Variants in ORC1 observed in about 807,000 individuals in gnomAD.
ORC1 encodes origin recognition complex subunit 1, also known as origin recognition complex, subunit 1 homolog.
Under a neutral mutation model 98.9 loss-of-function variants are expected in ORC1, and 61 were observed. That is an observed-to-expected ratio of 0.62 (90% CI 0.50 to 0.76). The LOEUF is 0.76. Ranked by LOEUF, ORC1 falls within the 30% of genes least tolerant of loss-of-function variation. The pLI is 0.00. For synonymous variants in ORC1, 385 were observed against 406.9 expected (o/e 0.95, Z 0.65); for missense variants, 979 against 1,072.2 (o/e 0.91, Z 1.21).
chr1:52,384,674 ACAGTGG>A lies in ORC1; in HGVS notation c.1625_1630del (p.Ala542_Thr543del). On this transcript the variant is annotated inframe_deletion, in exon 11 of 17. Coordinates refer to ENST00000371568, the MANE Select transcript of ORC1 (RefSeq NM_004153.4). ...CTGCAGGCAGCGTATCACTTCATGA[ACAGTGG>A]CAGTCTTCCCTGTCCCAGGGACACC... 6.2e-7 allele frequency: 1 copy of A among 1,614,046 alleles called. No individual in the cohort carries two copies. The highest frequency in any genetic ancestry group is 8.5e-7 in the Non-Finnish European group (1 of 1,179,976).
intron 14 of ORC1, among the ~76,000 whole-genome samples, chr1:52,377,714 A>AC (rs1311556051): frequency 6.6e-6 from 1 of 151,664 alleles, no homozygotes; most frequent in African/African-American, 2.4e-5. Flanking sequence ...AAAAAAAAAA[A>AC]AAAAAAAAAA....
At chr1:52,380,150 C>A (rs1647042308) in intron 14 of ORC1, among the ~76,000 whole-genome samples, 1 of 152,122 alleles carries the variant, frequency 6.6e-6, no homozygotes, top group African/African-American at 2.4e-5. Context: ...GGGAAGCATA[C>A]TGAGAAATCT....
intron 8 of ORC1, among the ~76,000 whole-genome samples, chr1:52,386,610 G>A (rs1001501892): frequency 1.3e-5 from 2 of 152,162 alleles, no homozygotes; most frequent in Non-Finnish European, 2.9e-5. Flanking sequence ...TTTCAGCCTG[G>A]CTAGAGAGAG....
Position 52,388,532 on chromosome 1 carries a change from A to G in ORC1, c.1293T>C (p.Leu431=). The change falls in exon 8 of 17, where the codon CTT becomes CTC. Residue 431 remains leucine (L), a synonymous_variant. Coordinates refer to ENST00000371568, the MANE Select transcript of ORC1 (RefSeq NM_004153.4). ...ACACAGTTCTGGGTGCTCTCCTTGG[A>G]AGGGGCGGTGTGGAAGCCTCTTCTT... ...SDEEEASTPP[L]PRRAPRTVSR... is the part of the protein sequence containing the mutation. The G allele has an allele frequency of 6.2e-7, 1 of 1,614,122 alleles. No individual in the cohort carries two copies. Among genetic ancestry groups the G allele is most frequent in the Non-Finnish European group, 8.5e-7 (1 of 1,179,992 alleles).
chr1:52,399,046 G>A (rs1008350689), intron 3 of ORC1, among the ~76,000 whole-genome samples: 1 of 152,150 alleles, frequency 6.6e-6, no homozygotes, highest in Non-Finnish European at 1.5e-5. Flanking sequence ...TTCTGGGATT[G>A]CTCCATTTCC....
At chr1:52,396,412 A>C (rs1647400465) in intron 4 of ORC1, 48 bp from the exon 5 acceptor site, 1 of 1,612,008 alleles carries the variant, frequency 6.2e-7, no homozygotes, top group African/African-American at 1.3e-5. Context: ...GCCCCAAGAG[A>C]GCCAAGGAGT....
intron 1 of ORC1, among the ~76,000 whole-genome samples, chr1:52,402,658 G>A (rs1176763497): frequency 6.6e-6 from 1 of 152,224 alleles, no homozygotes; most frequent in African/African-American, 2.4e-5. Context: ...CAAAGGCTGG[G>A]CGCAGTGGCT....
At chr1:52,390,019 T>C (rs1569935653) in intron 6 of ORC1, among the ~76,000 whole-genome samples, 1 of 152,336 alleles carries the variant, frequency 6.6e-6, no homozygotes, top group East Asian at 1.9e-4. Context: ...ATCTGATACA[T>C]TGCTGATAGA....
intron 10 of ORC1, 123 bp downstream of exon 10, chr1:52,385,038 C>T: frequency 2.5e-6 from 2 of 786,992 alleles, no homozygotes; most frequent in South Asian, 1.4e-5. Flanking sequence ...TGGGCTTCAG[C>T]AACGATTTGG....
intron 14 of ORC1, among the ~76,000 whole-genome samples, 155 bp from the exon 15 acceptor site, chr1:52,375,754 A>G (rs1056817287): frequency 1.3e-5 from 2 of 152,230 alleles, no homozygotes; most frequent in African/African-American, 2.4e-5. Context: ...TACATTGTGC[A>G]TGGGACTCTA....
upstream of ORC1, chr1:52,405,650 A>G (rs919940640): frequency 1.9e-6 from 3 of 1,610,180 alleles, no homozygotes; most frequent in African/African-American, 4.0e-5. Flanking sequence ...CTTAGCCCTA[A>G]TATGTTACTG....
At chr1:52,377,773 A>AATAAAGG (rs1482788157) in intron 14 of ORC1, among the ~76,000 whole-genome samples, 1 of 151,948 alleles carries the variant, frequency 6.6e-6, no homozygotes, top group Non-Finnish European at 1.5e-5. Flanking sequence ...TTAACTCTCA[A>AATAAAGG]ATAAAGGAGC....
chr1:52,377,226 C>T (rs1245500932), intron 14 of ORC1, among the ~76,000 whole-genome samples: 6 of 151,872 alleles, frequency 4.0e-5, no homozygotes, highest in Non-Finnish European at 5.9e-5. Flanking sequence ...GTTTCACCCT[C>T]CCAAAGTGCT....
At chr1:52,403,473 A>T (rs552145944) in intron 1 of ORC1, among the ~76,000 whole-genome samples, 15 of 152,346 alleles carry the variant, frequency 9.8e-5, no homozygotes, top group African/African-American at 3.4e-4. Context: ...ACTGTTGCAA[A>T]GGGACTTAAA....
chr1:52,375,020 A>G, intron 15 of ORC1, 123 bp from the exon 16 acceptor site: 3 of 702,894 alleles, frequency 4.3e-6, no homozygotes, highest in Non-Finnish European at 7.7e-6. Context: ...TTTCTCCTAT[A>G]TTATGTGGCA....
chr1:52,397,589 G>T, intron 4 of ORC1, 96 bp downstream of exon 4: 1 of 1,085,234 alleles, frequency 9.2e-7, no homozygotes, highest in Non-Finnish European at 1.4e-6. Flanking sequence ...ATTCCCTATG[G>T]GGTATTAGAG....
Position 52,374,821 on chromosome 1 carries a change from T to C in ORC1, c.2380A>G (p.Thr794Ala). The C allele has an allele frequency of 6.2e-7, 1 of 1,611,656 alleles. No homozygotes were observed. The highest frequency in any genetic ancestry group is 1.7e-4 in the Middle Eastern group (1 of 6,054). ...GAGGAGGAGATCACCTGTTGAAACG[T>C]GGCTTCCTCCAGTCCTGATCGACGG... The part of the protein sequence containing the change: ...EFRRSGLEEA[T>A]FQQIYSQHVA... The change falls in exon 16 of 17, where the codon ACG becomes GCG. Residue 794 changes from threonine to alanine, a missense_variant. Physicochemically the swap from Thr to Ala is moderately conservative, Grantham distance 58 (BLOSUM62 0). Coordinates refer to ENST00000371568, the MANE Select transcript of ORC1 (RefSeq NM_004153.4).
chr1:52,387,198 C>G (rs995140380), intron 8 of ORC1, among the ~76,000 whole-genome samples: 1 of 152,136 alleles, frequency 6.6e-6, no homozygotes, highest in African/African-American at 2.4e-5. Flanking sequence ...GCATTACCAC[C>G]TGAGCTCTGC....
intron 3 of ORC1, among the ~76,000 whole-genome samples, chr1:52,398,350 G>A (rs1647524835): frequency 6.6e-6 from 1 of 151,164 alleles, no homozygotes; most frequent in African/African-American, 2.4e-5. Flanking sequence ...TGCAACCTCT[G>A]CCTCCCTGGT....
Sources: gnomAD v4.1 joint callset for allele counts (sites outside exome capture counted in the v4.1 genomes callset) on GRCh38, gnomAD v4.1.1 for gene constraint, MANE v1.5 for transcripts, NCBI Gene and HGNC (gene_info 2026-07-23, HGNC 2026-07-21) for gene names.